Variants in CFAP20DC observed in about 807,000 individuals in gnomAD.
CFAP20DC encodes the protein protein CFAP20DC.
CFAP20DC carries 84 observed loss-of-function variants against 101.7 expected under a neutral mutation model. The ratio of observed to expected loss-of-function variants is 0.83; its 90% confidence interval spans 0.69 to 0.99. The LOEUF (loss-of-function observed/expected upper bound fraction) is 0.99. CFAP20DC is among the 50% of genes least tolerant of loss of function. The pLI is 0.00. For missense variants in CFAP20DC, 1,007 were observed against 970.3 expected (o/e 1.04, Z -0.50); for synonymous variants, 359 against 351.2 (o/e 1.02, Z -0.25).
chr3:58,934,357 G>C (rs1022597985), intron 5 of CFAP20DC, among the ~76,000 whole-genome samples: 1 of 152,126 alleles, frequency 6.6e-6, no homozygotes, highest in East Asian at 1.9e-4. Context: ...GGAGGAACTG[G>C]TACCATTCCT....
chr3:59,046,563 G>T (rs1233319684), intron 2 of CFAP20DC, among the ~76,000 whole-genome samples: 1 of 152,102 alleles, frequency 6.6e-6, no homozygotes, highest in African/African-American at 2.4e-5. Flanking sequence ...AATTATGGAT[G>T]ATGGATTCTG....
intron 6 of CFAP20DC, among the ~76,000 whole-genome samples, chr3:58,890,408 C>G (rs1208825645): frequency 1.4e-5 from 2 of 145,040 alleles, no homozygotes; most frequent in Non-Finnish European, 3.1e-5. Flanking sequence ...CCTCACCTCC[C>G]GGACGGGGTG....
intron 2 of CFAP20DC, 98 bp downstream of exon 2, chr3:59,047,067 A>C: frequency 2.6e-6 from 2 of 770,784 alleles, no homozygotes; most frequent in East Asian, 5.4e-5. Context: ...GTGAAAGAAC[A>C]GGAAAAACAG....
chr3:58,946,736 C>T (rs1042298673), intron 4 of CFAP20DC, among the ~76,000 whole-genome samples: 1 of 152,012 alleles, frequency 6.6e-6, no homozygotes, highest in Non-Finnish European at 1.5e-5. Flanking sequence ...AGAGAGGAAA[C>T]GCAGAAGAAA....
chr3:58,990,337 CTAA>C (rs1559953034), intron 4 of CFAP20DC, among the ~76,000 whole-genome samples: 2 of 152,164 alleles, frequency 1.3e-5, no homozygotes, highest in South Asian at 2.1e-4. Context: ...CCAAGAATAA[CTAA>C]TGAGTTGTAG....
chr3:58,939,497 C>T (rs1239132631), intron 4 of CFAP20DC, among the ~76,000 whole-genome samples: 5 of 152,130 alleles, frequency 3.3e-5, no homozygotes, highest in African/African-American at 1.2e-4. Context: ...CTAGCTCTGT[C>T]ACCCAGGCTG....
chr3:58,953,460 A>T (rs971447513), intron 4 of CFAP20DC: 1 of 152,200 alleles, frequency 6.6e-6, no homozygotes, highest in Non-Finnish European at 1.5e-5. Context: ...CCAGCTTAAG[A>T]CAGAGATATT....
intron 4 of CFAP20DC, among the ~76,000 whole-genome samples, chr3:58,948,240 C>G (rs774066473): frequency 6.6e-6 from 1 of 152,192 alleles, no homozygotes; most frequent in Non-Finnish European, 1.5e-5. Flanking sequence ...TATTTTCATG[C>G]CTTTGCTTAT....
chr3:58,945,821 C>G (rs937841807), intron 4 of CFAP20DC, among the ~76,000 whole-genome samples: 25 of 150,756 alleles, frequency 1.7e-4, no homozygotes, highest in African/African-American at 5.4e-4. Context: ...CTCAGCCTCC[C>G]CAGTAACTAG....
chr3:59,042,295 C>A (rs147989243), intron 3 of CFAP20DC, among the ~76,000 whole-genome samples: 2 of 151,952 alleles, frequency 1.3e-5, no homozygotes, highest in Admixed American at 6.6e-5. Flanking sequence ...CAGCAGGAGA[C>A]GGGTTTGGCA....
chr3:58,876,999 G>A (rs2080804227), intron 7 of CFAP20DC, among the ~76,000 whole-genome samples: 2 of 152,140 alleles, frequency 1.3e-5, no homozygotes, highest in African/African-American at 2.4e-5. Context: ...GTAAGACTGG[G>A]ATAATCGTAG....
At chr3:58,790,139 T>G (rs544684811) in intron 15 of CFAP20DC, among the ~76,000 whole-genome samples, 9 of 152,296 alleles carry the variant, frequency 5.9e-5, no homozygotes, top group African/African-American at 2.2e-4. Flanking sequence ...AATCCCCACC[T>G]GGGTCAAGAG....
chr3:58,938,105 T>G (rs1218417136), intron 4 of CFAP20DC, among the ~76,000 whole-genome samples: 1 of 152,168 alleles, frequency 6.6e-6, no homozygotes, highest in Non-Finnish European at 1.5e-5. Flanking sequence ...CCCTTAAGCT[T>G]GTGTTATCTT....
chr3:58,932,044 A>C (rs1385994247), intron 5 of CFAP20DC, among the ~76,000 whole-genome samples: 1 of 152,232 alleles, frequency 6.6e-6, no homozygotes, highest in Non-Finnish European at 1.5e-5. Flanking sequence ...AGACGAATGT[A>C]TAACTAGAAT....
intron 4 of CFAP20DC, among the ~76,000 whole-genome samples, chr3:59,032,398 T>C (rs1310485378): frequency 6.6e-6 from 1 of 152,128 alleles, no homozygotes; most frequent in East Asian, 1.9e-4. Context: ...CCAAGTGGTC[T>C]AGCTCAGCAG....
At chr3:58,816,729 G>A (rs1347107188) in intron 14 of CFAP20DC, among the ~76,000 whole-genome samples, 1 of 152,172 alleles carries the variant, frequency 6.6e-6, no homozygotes, top group East Asian at 1.9e-4. Context: ...GCCCGCCATT[G>A]CCCAGGCTTG....
At position 58,799,958 on chromosome 3, in the gene CFAP20DC, G is replaced by A. The variant is rs942736815; in HGVS notation, c.2237+6437C>T. On this transcript the variant is annotated intron_variant, in intron 15 of 16. Transcript: ENST00000482387. This position sits in a 1 kb window ranked among gnomAD's most constrained non-coding sequence, Gnocchi z 4.9. ...GCAGCTGGGAAGCAACCTTGGTTAA[G>A]AGAACTCCATCCAGGCAGCACTCCT... 7.9e-5 allele frequency among the ~76,000 whole-genome samples: 12 copies of A among 152,184 alleles called. No individual in the cohort carries two copies. The highest frequency in any genetic ancestry group is 2.4e-4 in the African/African-American group (10 of 41,440).
At chr3:58,759,869 G>A (rs1424495294) in intron 15 of CFAP20DC, among the ~76,000 whole-genome samples, 2 of 152,038 alleles carry the variant, frequency 1.3e-5, no homozygotes, top group Non-Finnish European at 2.9e-5. Context: ...ATTTCTGAGG[G>A]CTCTGTTCTG....
intron 3 of CFAP20DC, among the ~76,000 whole-genome samples, chr3:58,725,256 G>T (rs1450220255): frequency 2.0e-5 from 3 of 152,210 alleles, no homozygotes; most frequent in Non-Finnish European, 4.4e-5. Flanking sequence ...TCTGTGAGCT[G>T]TCATCAGTGG....
Sources: allele counts gnomAD v4.1 joint callset (sites outside exome capture counted in the v4.1 genomes callset), GRCh38; gene constraint gnomAD v4.1.1; non-coding constraint Gnocchi (gnomAD v3.1); transcripts MANE v1.5; gene names NCBI Gene and HGNC (gene_info 2026-07-23, HGNC 2026-07-21).